Variants in KIAA0586 observed in about 807,000 individuals in gnomAD.
The protein encoded by KIAA0586 is protein TALPID3.
A neutral mutation model predicts 169.8 loss-of-function variants in KIAA0586; 144 were observed. The ratio of observed to expected loss-of-function variants is 0.85; its 90% CI spans 0.74 to 0.97. The LOEUF (loss-of-function observed/expected upper bound fraction) is 0.97. Ranked by LOEUF, KIAA0586 falls within the 50% of genes least tolerant of loss-of-function variation. The probability of loss-of-function intolerance (pLI) is 0.00; values close to 1 mark genes in which losing one functional copy is unlikely to be tolerated. For synonymous variants in KIAA0586, 625 were observed against 612.4 expected, an observed-to-expected ratio of 1.02 and a Z score of -0.30; for missense variants, 1,854 against 1,823.0, an observed-to-expected ratio of 1.02 and a Z score of -0.31.
intron 29 of KIAA0586, among the ~76,000 whole-genome samples, chr14:58,528,566 AACT>A (rs2045749143): frequency 6.6e-6 from 1 of 152,258 alleles, no homozygotes. Flanking sequence ...AAAACGGCAC[AACT>A]ACATGGAAAC....
At chr14:58,458,436 G>A in intron 11 of KIAA0586, 37 bp from the exon 12 acceptor site, 1 of 1,145,554 alleles carries the variant, frequency 8.7e-7, no homozygotes, top group Non-Finnish European at 1.3e-6. Context: ...AGGACAGTAA[G>A]TGCTAATTTA....
At chr14:58,559,424 T>C in the KIAA0586 span, among the ~76,000 whole-genome samples, 1 of 152,194 alleles carries the variant, frequency 6.6e-6, no homozygotes, top group African/African-American at 2.4e-5. Context: ...TCTCACCAAC[T>C]GTGTTCCTCC....
At chr14:58,457,730 G>C (rs755169106) in intron 10 of KIAA0586, 29 bp from the exon 11 acceptor site, 1 of 1,426,166 alleles carries the variant, frequency 7.0e-7, no homozygotes, top group African/African-American at 1.4e-5. Flanking sequence ...TGTGAGTTTA[G>C]TAACTTTCTG....
At chr14:58,539,926 C>T in intron 29 of KIAA0586, 145 bp from the exon 30 acceptor site, 1 of 543,776 alleles carries the variant, frequency 1.8e-6, no homozygotes, top group Non-Finnish European at 3.3e-6. Flanking sequence ...ACATTCAGGC[C>T]ACTAGATCAA....
chr14:58,549,082 G>A lies in KIAA0586; in HGVS notation c.*1150G>A, dbSNP rs777784088. ...CAGTACTGTATAGTAGAGGGCATAA[G>A]CACATGAAAAGAAAGGCAGCCTAGC... On this transcript the variant is annotated 3_prime_UTR_variant, in exon 31 of 31. Coordinates refer to ENST00000652326, the MANE Select transcript of KIAA0586 (RefSeq NM_001329943.3). 4 of 152,032 alleles carry A rather than the reference G, an allele frequency of 2.6e-5. No homozygotes were observed. The highest frequency in any genetic ancestry group is 4.8e-5 in the African/African-American group (2 of 41,394). 9.4% of individuals were successfully genotyped at this position (152,032 alleles called of 1,614,324 possible).
chr14:58,467,121 GCT>G (rs2040831633), intron 15 of KIAA0586, among the ~76,000 whole-genome samples: 1 of 152,018 alleles, frequency 6.6e-6, no homozygotes, highest in South Asian at 2.1e-4. Context: ...CAACATAATA[GCT>G]CTCTGTTTAA....
In KIAA0586 at chr14:58,549,568, T is replaced by G; in HGVS notation, c.*1636T>G. ...TCAGGTATTTGGTTACTGGAATGTT[T>G]TAGGTTTCACTTTAGAACCCGTTTT... On this transcript the variant is annotated 3_prime_UTR_variant, in exon 31 of 31. Coordinates refer to ENST00000652326, the MANE Select transcript of KIAA0586 (RefSeq NM_001329943.3). 1 of 152,224 alleles carries G rather than the reference T, an allele frequency of 6.6e-6. No homozygotes were observed. 9.4% of individuals were successfully genotyped at this position (152,224 alleles called of 1,614,324 possible).
At chr14:58,442,289 T>A (rs2038459364) in intron 4 of KIAA0586, among the ~76,000 whole-genome samples, 1 of 152,068 alleles carries the variant, frequency 6.6e-6, no homozygotes, top group Admixed American at 6.5e-5. Flanking sequence ...TTTGTATTTT[T>A]AGTAGAGACG....
chr14:58,463,766 C>T (rs2040511167), intron 14 of KIAA0586, among the ~76,000 whole-genome samples: 1 of 151,294 alleles, frequency 6.6e-6, no homozygotes, highest in South Asian at 2.1e-4. Flanking sequence ...TTCAAGGTTG[C>T]AGTGAGCTAT....
At chr14:58,435,309 A>G (rs2037733499) in intron 4 of KIAA0586, among the ~76,000 whole-genome samples, 1 of 152,190 alleles carries the variant, frequency 6.6e-6, no homozygotes, top group Admixed American at 6.5e-5. Context: ...ACATTTAATG[A>G]CATTTTATGC....
chr14:58,460,855 G>C (rs1691771707), intron 13 of KIAA0586, 131 bp from the exon 14 acceptor site: 1 of 535,248 alleles, frequency 1.9e-6, no homozygotes, highest in South Asian at 6.4e-5. Context: ...AAGGGCTGTT[G>C]AAAACAGAGG....
the KIAA0586 span, among the ~76,000 whole-genome samples, chr14:58,558,868 C>T: frequency 2.0e-5 from 3 of 152,188 alleles, no homozygotes; most frequent in African/African-American, 7.2e-5. Flanking sequence ...ACAACAACAA[C>T]AATAGAATGG....
intron 20 of KIAA0586, among the ~76,000 whole-genome samples, chr14:58,477,461 C>T (rs1280680801): frequency 6.6e-6 from 1 of 152,104 alleles, no homozygotes; most frequent in Non-Finnish European, 1.5e-5. Flanking sequence ...ATACCTCCCA[C>T]CCCAAATCTC....
At chr14:58,466,107 G>A in intron 15 of KIAA0586, 78 bp downstream of exon 15, 1 of 1,127,052 alleles carries the variant, frequency 8.9e-7, no homozygotes, top group Non-Finnish European at 1.3e-6. Flanking sequence ...TTAGAGACGG[G>A]GTTTCACTGT....
chr14:58,550,876 A>T lies in KIAA0586; in HGVS notation c.*2944A>T, dbSNP rs1178832499. On this transcript the variant is annotated 3_prime_UTR_variant, in exon 31 of 31. Transcript: ENST00000652326. ...AATTGCTGAGCTATCATGCCTTAACACTAGGTAACGTGTTTAAAATGTTCC... is the reference window on the plus strand; with the variant it reads ...AATTGCTGAGCTATCATGCCTTAACTCTAGGTAACGTGTTTAAAATGTTCC... 1 of 151,330 alleles carries T rather than the reference A, an allele frequency of 6.6e-6. No homozygotes were observed. Among genetic ancestry groups the T allele is most frequent in the East Asian group, 1.9e-4 (1 of 5,162 alleles). 9.4% of individuals were successfully genotyped at this position (151,330 alleles called of 1,614,324 possible). A position where few individuals can be genotyped will look rare whatever the true frequency, so the allele number is the denominator to read the frequency against.
At position 58,467,900 on chromosome 14, in the gene KIAA0586, A is replaced by T. The variant is rs1297812673; in HGVS notation, c.2420A>T (p.Asp807Val). The change falls in exon 16 of 31, where the codon GAT becomes GTT. Residue 807 changes from aspartate to valine, a missense_variant. Physicochemically the swap from Asp to Val is radical, Grantham distance 152. Coordinates refer to ENST00000652326, the MANE Select transcript of KIAA0586 (RefSeq NM_001329943.3). ...AIVEMKSEKKDPPQLTVQVLP... is the reference protein window; with the variant it reads ...AIVEMKSEKKVPPQLTVQVLP... ...GTAGAAATGAAGTCAGAAAAAAAGG[A>T]TCCTCCTCAGCTTACTGTGCAGGTA... is the stretch of plus-strand genomic sequence containing the variant. The T allele has an allele frequency of 1.2e-6, 2 of 1,613,346 alleles. No individual in the cohort carries two copies. Among genetic ancestry groups the T allele is most frequent in the Non-Finnish European group, 8.5e-7 (1 of 1,179,608 alleles).
At chr14:58,447,139 A>T (rs2038961721) in intron 6 of KIAA0586, among the ~76,000 whole-genome samples, 1 of 152,196 alleles carries the variant, frequency 6.6e-6, no homozygotes, top group Non-Finnish European at 1.5e-5. Context: ...TACATACTGG[A>T]TATATTAGTT....
At chr14:58,427,602 C>G, upstream of KIAA0586, 1 of 1,535,666 alleles carries the variant, frequency 6.5e-7, no homozygotes. Context: ...TGGAAGAGCA[C>G]CAGAGAGCGC....
At chr14:58,451,883 C>A (rs948380981) in intron 8 of KIAA0586, among the ~76,000 whole-genome samples, 2 of 152,118 alleles carry the variant, frequency 1.3e-5, no homozygotes, top group African/African-American at 4.8e-5. Flanking sequence ...CGGGGTTTCA[C>A]CATGTTAGCC....
Sources: allele counts gnomAD v4.1 joint callset (sites outside exome capture counted in the v4.1 genomes callset), GRCh38; gene constraint gnomAD v4.1.1; transcripts MANE v1.5; gene names NCBI Gene and HGNC (gene_info 2026-07-23, HGNC 2026-07-21).